The following KDM2B variants were observed in gnomAD, a reference collection of about 807,000 sequenced individuals.
The protein encoded by KDM2B is lysine demethylase 2B.
KDM2B carries 26 observed loss-of-function variants against 150.0 expected under a neutral mutation model. That is an observed-to-expected ratio of 0.17 (90% CI 0.13 to 0.24). The LOEUF (loss-of-function observed/expected upper bound fraction) is 0.24, where lower values mean the gene tolerates loss of function less well. KDM2B is among the 10% of genes least tolerant of loss of function. The pLI, the probability that KDM2B is intolerant of heterozygous loss-of-function variation, is 1.00. For missense variants in KDM2B, 1,265 were observed against 1,816.9 expected (o/e 0.70, Z 5.52); for synonymous variants, 734 against 729.5 (o/e 1.01, Z -0.10).
chr12:121,416,403 C>T, the KDM2B span: 1 of 1,416,176 alleles, frequency 7.1e-7, no homozygotes, highest in Non-Finnish European at 1.0e-6. Flanking sequence ...TGTTACATAA[C>T]AACACACATG....
chr12:121,417,723 T>C, the KDM2B span: 2 of 1,614,162 alleles, frequency 1.2e-6, no homozygotes, highest in East Asian at 2.2e-5. The surrounding 1 kb of genome is among the most constrained non-coding windows in gnomAD (Gnocchi z 5.0). Context: ...TCTAGTACTG[T>C]GCCATCATGG....
In KDM2B at chr12:121,442,360, TG is replaced by T; in HGVS notation, c.3080del (p.Pro1027HisfsTer16). ...RSPPRVISRP[P>X]PSVSPPKCIQ... is the part of the protein sequence containing the mutation. ...TACACTTGGGCGGGGACACGGAGGG[TG>T]GGGGCCGGGAGATGACACGGGGCGG... On this transcript the variant is annotated frameshift_variant, in exon 19 of 23. Coordinates refer to ENST00000377071, the MANE Select transcript of KDM2B (RefSeq NM_032590.5). LOFTEE classifies it high-confidence loss of function. This position sits in a 1 kb window ranked among gnomAD's most constrained non-coding sequence, Gnocchi z 7.7. 2 of 955,090 alleles carry T rather than the reference TG, an allele frequency of 2.1e-6. No individual in the cohort carries two copies. Among genetic ancestry groups the T allele is most frequent in the Non-Finnish European group, 2.8e-6 (2 of 708,230 alleles). The allele number at this position is 955,090 out of a possible 1,614,324, so 59.2% of individuals were successfully genotyped here.
intron 12 of KDM2B, among the ~76,000 whole-genome samples, chr12:121,463,547 A>AT (rs1299958648): frequency 4.6e-5 from 7 of 152,074 alleles, no homozygotes; most frequent in Non-Finnish European, 1.0e-4. Context: ...TAATTTCCTG[A>AT]TTTTTTCAAC....
At chr12:121,439,039 C>T (rs555179518) in intron 22 of KDM2B, among the ~76,000 whole-genome samples, 20 of 152,260 alleles carry the variant, frequency 1.3e-4, no homozygotes, top group Middle Eastern at 3.4e-3. Context: ...GCAAGTGCAG[C>T]GAGCGAAGAT....
At chr12:121,481,678 T>C (rs1345682123) in intron 12 of KDM2B, among the ~76,000 whole-genome samples, 1 of 152,212 alleles carries the variant, frequency 6.6e-6, no homozygotes, top group African/African-American at 2.4e-5. Flanking sequence ...CAATCGGTTA[T>C]AGTACCTGCG....
At chr12:121,490,272 C>G (rs1413171533) in intron 12 of KDM2B, among the ~76,000 whole-genome samples, 1 of 152,226 alleles carries the variant, frequency 6.6e-6, no homozygotes, top group African/African-American at 2.4e-5. Flanking sequence ...GATCCAACAG[C>G]TACTGATGAG....
At position 121,467,345 on chromosome 12, in the gene KDM2B, G is replaced by T; in HGVS notation, c.1735-14001C>A. 2.0e-6 allele frequency: 2 copies of T among 981,756 alleles called. No individual in the cohort carries two copies. Among genetic ancestry groups the T allele is most frequent in the Non-Finnish European group, 2.4e-6 (2 of 828,418 alleles). The allele number at this position is 981,756 out of a possible 1,614,324, so 60.8% of individuals were successfully genotyped here. On this transcript the variant is annotated intron_variant, in intron 12 of 22. Transcript: ENST00000377071. The surrounding 1 kb of genome is among the most constrained non-coding windows in gnomAD (Gnocchi z 5.1). Reference sequence around the variant, plus strand: ...GCTCGGGCTCCCGCTGCCGCGAGGAGGGAGCCGCGCCGCGCGCCTCGCACG... The same window carrying T: ...GCTCGGGCTCCCGCTGCCGCGAGGATGGAGCCGCGCCGCGCGCCTCGCACG...
At chr12:121,506,134 T>G (rs1369267730) in intron 11 of KDM2B, among the ~76,000 whole-genome samples, 1 of 151,888 alleles carries the variant, frequency 6.6e-6, no homozygotes, top group Non-Finnish European at 1.5e-5. Flanking sequence ...CTCAGCCCCT[T>G]GAGCAGCTGG....
intron 12 of KDM2B, among the ~76,000 whole-genome samples, chr12:121,462,125 C>T (rs1218566785): frequency 6.6e-6 from 1 of 152,256 alleles, no homozygotes; most frequent in South Asian, 2.1e-4. Flanking sequence ...CCACAGGCCC[C>T]CCGATTTCTT....
chr12:121,533,060 C>T lies in KDM2B; in HGVS notation c.778-101G>A. 4.1e-6 allele frequency: 5 copies of T among 1,207,636 alleles called. No individual in the cohort carries two copies. Among genetic ancestry groups the T allele is most frequent in the Non-Finnish European group, 5.9e-6 (5 of 846,174 alleles). 74.8% of individuals were successfully genotyped at this position (1,207,636 alleles called of 1,614,324 possible). A position where few individuals can be genotyped will look rare whatever the true frequency, so the allele number is the denominator to read the frequency against. ...GCGGAAGGGGAGGGGGCGAGACAAG[C>T]TGTGTGTGGGGTGGGGGGTGTGGAG... is the stretch of plus-strand genomic sequence containing the variant. On this transcript the variant is annotated intron_variant, in intron 7 of 22. Transcript: ENST00000377071. The surrounding 1 kb of genome is among the most constrained non-coding windows in gnomAD (Gnocchi z 4.1).
chr12:121,571,547 A>G (rs979713556), intron 4 of KDM2B, among the ~76,000 whole-genome samples: 1 of 152,002 alleles, frequency 6.6e-6, no homozygotes, highest in African/African-American at 2.4e-5. Flanking sequence ...GCCCGCCTCA[A>G]CTTCCCAAAG....
Position 121,524,751 on chromosome 12 carries a change from C to T in KDM2B, c.932-3651G>A, listed in dbSNP as rs1207112922. ...CCCAGGCTGCTGCCTGGGCTGGGAA[C>T]GCTGGCATCTGCCTCCTGCTTCCAG... On this transcript the variant is annotated intron_variant, in intron 8 of 22. Transcript: ENST00000377071. The T allele has an allele frequency of 1.0e-4, 45 of 438,104 alleles. 1 individual carries two copies. The highest frequency in any genetic ancestry group is 3.5e-4 in the South Asian group (22 of 62,486). The allele number at this position is 438,104 out of a possible 1,614,324, so 27.1% of individuals were successfully genotyped here.
chr12:121,545,682 G>A (rs553885850), intron 6 of KDM2B, among the ~76,000 whole-genome samples: 5 of 152,118 alleles, frequency 3.3e-5, no homozygotes, highest in South Asian at 2.1e-4. Flanking sequence ...TCATGTTCAC[G>A]TGCCCCCACG....
Position 121,442,348 on chromosome 12 carries a change from G to A in KDM2B, c.3093C>T (p.Ser1031=), listed in dbSNP as rs1297834561. 3.8e-6 allele frequency: 6 copies of A among 1,590,464 alleles called. No individual in the cohort carries two copies. The African/African-American group carries it at 4.0e-5, about 11-fold the overall frequency. ...GCTCCATCTGGATACACTTGGGCGG[G>A]GACACGGAGGGTGGGGGCCGGGAGA... ...RVISRPPPSV[S]PPKCIQMERH... The change falls in exon 19 of 23, where the codon TCC becomes TCT. Residue 1031 remains serine, a synonymous_variant. Transcript: ENST00000377071. This position sits in a 1 kb window ranked among gnomAD's most constrained non-coding sequence, Gnocchi z 7.7.
chr12:121,465,983 C>T lies in KDM2B; in HGVS notation c.1735-12639G>A, dbSNP rs138094754. The stretch of plus-strand genomic sequence containing the variant: ...TCCAATCCGAAAGAGCCGTGAGATT[C>T]CTAACACCTCAAAACGCACACGTGC... On this transcript the variant is annotated intron_variant, in intron 12 of 22. Coordinates refer to ENST00000377071, the MANE Select transcript of KDM2B (RefSeq NM_032590.5). Among the ~76,000 whole-genome samples, 14 of 152,310 alleles carry T rather than the reference C, an allele frequency of 9.2e-5. No homozygotes were observed. In the East Asian group the frequency reaches 2.5e-3, roughly 27 times the overall value.
intron 6 of KDM2B, among the ~76,000 whole-genome samples, chr12:121,547,823 C>T (rs1231407690): frequency 2.0e-5 from 3 of 151,730 alleles, no homozygotes; most frequent in Admixed American, 6.6e-5. Context: ...TTGTATTTTT[C>T]GTAGAGACAG....
At position 121,442,443 on chromosome 12, in the gene KDM2B, C is replaced by G. The variant is rs781875148; in HGVS notation, c.2998G>C (p.Gly1000Arg). The change falls in exon 19 of 23, where the codon GGG (glycine) becomes CGG (arginine). Residue 1000 changes from glycine (G) to arginine (R), a missense_variant. Physicochemically the swap from Gly to Arg is moderately radical, Grantham distance 125. Around this residue, in one of 11 missense-constraint regions of KDM2B, gnomAD observed 418 missense variants for 402.4 expected, o/e 1.04. Transcript: ENST00000377071. The surrounding 1 kb of genome is among the most constrained non-coding windows in gnomAD (Gnocchi z 7.7). Reference protein sequence around the residue: ...ICERPHRFSKGLNGTPRELRH... With the variant: ...ICERPHRFSKRLNGTPRELRH... ...AGCTCCCGGGGGGTGCCGTTGAGCCCCTTGCTGAAGCGGTGGGGACGCTCG... is the reference window on the plus strand; with the variant it reads ...AGCTCCCGGGGGGTGCCGTTGAGCCGCTTGCTGAAGCGGTGGGGACGCTCG... 6 of 1,599,916 alleles carry G rather than the reference C, an allele frequency of 3.8e-6. No homozygotes were observed. The highest frequency in any genetic ancestry group is 1.3e-5 in the African/African-American group (1 of 74,874).
At chr12:121,473,747 GAGT>G (rs1361085891) in intron 12 of KDM2B, among the ~76,000 whole-genome samples, 1 of 150,574 alleles carries the variant, frequency 6.6e-6, no homozygotes, top group Non-Finnish European at 1.5e-5. Context: ...GAGAGAGAGA[GAGT>G]AAAGAGGCCA....
Position 121,453,337 on chromosome 12 carries a change from G to A in KDM2B, c.1742C>T (p.Ala581Val), listed in dbSNP as rs782669880. The A allele has an allele frequency of 2.5e-6, 4 of 1,573,660 alleles. No homozygotes were observed. In the East Asian group the frequency reaches 9.4e-5, roughly 37 times the overall value. ...TWPKKTPKNR[A>V]VGRPKGKLGP... ...CAGCTTCCCCTTGGGCCGACCCACA[G>A]CCCGGTTCTGCAGGGGAACAGACAC... is the stretch of plus-strand genomic sequence containing the variant. Residue 581 changes from alanine to valine, a missense_variant, in exon 13 of 23, where the codon GCT becomes GTT. By Grantham distance (64) the Ala-to-Val change is moderately conservative. Transcript: ENST00000377071. The surrounding 1 kb of genome is among the most constrained non-coding windows in gnomAD (Gnocchi z 6.4).
Sources: gnomAD v4.1 joint callset for allele counts (sites outside exome capture counted in the v4.1 genomes callset) on GRCh38, gnomAD v4.1.1 for gene constraint, gnomAD v4.1.1 regional missense constraint, Gnocchi (gnomAD v3.1) non-coding constraint, MANE v1.5 for transcripts, NCBI Gene and HGNC (gene_info 2026-07-23, HGNC 2026-07-21) for gene names.